STAU2: variants seen among roughly 807,000 people sequenced by gnomAD.
STAU2 encodes double-stranded RNA-binding protein Staufen homolog 2.
In STAU2, 20 loss-of-function variants were observed where a neutral mutation model predicts 65.9. The observed-to-expected ratio is 0.30, with a 90% CI of 0.21 to 0.44. The LOEUF is 0.44. Ranked by LOEUF, STAU2 falls within the 20% of genes least tolerant of loss-of-function variation. The pLI, the probability that STAU2 is intolerant of heterozygous loss-of-function variation, is 1.00. For missense variants in STAU2, 558 were observed against 683.9 expected, an observed-to-expected ratio of 0.82 and a Z score of 2.05; for synonymous variants, 232 against 233.9, an observed-to-expected ratio of 0.99 and a Z score of 0.07.
rs1819261432 is a variant in STAU2 at position 73,690,558 on chromosome 8, T to C, written c.115-1745A>G. 2.0e-5 allele frequency among the ~76,000 whole-genome samples: 3 copies of C among 152,286 alleles called. No individual in the cohort carries two copies. The South Asian group carries it at 6.2e-4, about 32-fold the overall frequency. On this transcript the variant is annotated intron_variant, in intron 4 of 14. Coordinates refer to ENST00000524300, the MANE Select transcript of STAU2 (RefSeq NM_001164380.2). ...TGATTATGAAGAACGTCTTTAGTCT[T>C]ACAAGATAGATATGTAAGTATTTAA...
chr8:73,704,074 G>C lies in STAU2; in HGVS notation c.114+4958C>G, dbSNP rs1478360633. Among the ~76,000 whole-genome samples the C allele has an allele frequency of 2.6e-5, 4 of 152,050 alleles. No individual in the cohort carries two copies. In the East Asian group the frequency reaches 7.7e-4, roughly 29 times the overall value. On this transcript the variant is annotated intron_variant, in intron 4 of 14. Coordinates refer to ENST00000524300, the MANE Select transcript of STAU2 (RefSeq NM_001164380.2). Reference sequence around the variant, plus strand: ...CAAATGTACATAGAAAGAAAATGATGATTTCATCATGCCTGAAAATTATGT... The same window carrying C: ...CAAATGTACATAGAAAGAAAATGATCATTTCATCATGCCTGAAAATTATGT...
At position 73,421,460 on chromosome 8, in the gene STAU2, G is replaced by T; in HGVS notation, c.1625C>A (p.Ala542Asp). 6.5e-7 allele frequency: 1 copy of T among 1,537,254 alleles called. No individual in the cohort carries two copies. Among genetic ancestry groups the T allele is most frequent in the South Asian group, 1.2e-5 (1 of 84,060 alleles). The change falls in exon 15 of 15, where the codon GCC (alanine) becomes GAC (aspartate). Residue 542 changes from alanine (A) to aspartate (D), a missense_variant. Around this residue, in one of 3 missense-constraint regions of STAU2, gnomAD observed 247 missense variants for 270.1 expected, o/e 0.91. Transcript: ENST00000524300. ...NIEKGSLEKQ[A>D]KHLREKADNN... ...GTCCGCTTTCTCTCTCAGATGCTTG[G>T]CTTGTCTGAAAGATTAATACATTAA...
intron 13 of STAU2, among the ~76,000 whole-genome samples, chr8:73,492,911 C>T (rs1049894938): frequency 6.6e-6 from 1 of 151,816 alleles, no homozygotes; most frequent in Non-Finnish European, 1.5e-5. Context: ...CACTGGCATA[C>T]ATGCAGCTGT....
chr8:73,509,355 T>G (rs1029470931), intron 13 of STAU2, among the ~76,000 whole-genome samples: 1 of 152,208 alleles, frequency 6.6e-6, no homozygotes. Context: ...TTCTAATTAT[T>G]GAGATATAGG....
At chr8:73,657,502 G>A (rs572884095) in intron 6 of STAU2, among the ~76,000 whole-genome samples, 2 of 152,148 alleles carry the variant, frequency 1.3e-5, no homozygotes, top group African/African-American at 4.8e-5. Flanking sequence ...ATGGTCGAAG[G>A]AGAATTCATA....
intron 12 of STAU2, among the ~76,000 whole-genome samples, chr8:73,558,409 C>T (rs1807945815): frequency 1.3e-5 from 2 of 152,352 alleles, no homozygotes; most frequent in South Asian, 4.1e-4. Context: ...TGTTTTTGCT[C>T]AGTAGATCTG....
chr8:73,528,152 T>C (rs757156598), intron 13 of STAU2, among the ~76,000 whole-genome samples: 5 of 152,196 alleles, frequency 3.3e-5, no homozygotes, highest in Admixed American at 6.5e-5. Flanking sequence ...CTGATTCTAA[T>C]GTAACTTTGT....
At chr8:73,728,371 T>C (rs1298683359) in intron 3 of STAU2, among the ~76,000 whole-genome samples, 4 of 152,036 alleles carry the variant, frequency 2.6e-5, no homozygotes, top group African/African-American at 9.7e-5. Context: ...ATATGAGTCC[T>C]CTGGCTTTAT....
chr8:73,471,825 A>AAAAAG, intron 13 of STAU2, among the ~76,000 whole-genome samples: 1 of 148,650 alleles, frequency 6.7e-6, no homozygotes, highest in African/African-American at 2.6e-5. Flanking sequence ...ACTAAAAAAA[A>AAAAAG]AAAAAAAAAA....
At chr8:73,466,024 T>C (rs1429144133) in intron 13 of STAU2, among the ~76,000 whole-genome samples, 1 of 152,166 alleles carries the variant, frequency 6.6e-6, no homozygotes, top group Non-Finnish European at 1.5e-5. Flanking sequence ...CCATGTTGGC[T>C]CACCCCTGTT....
chr8:73,563,133 T>A (rs1808355996), intron 12 of STAU2, among the ~76,000 whole-genome samples: 1 of 152,164 alleles, frequency 6.6e-6, no homozygotes, highest in African/African-American at 2.4e-5. Flanking sequence ...CACTTTTATC[T>A]ATGTATCAAA....
At chr8:73,431,016 T>C (rs765071575) in intron 13 of STAU2, among the ~76,000 whole-genome samples, 10 of 152,188 alleles carry the variant, frequency 6.6e-5, no homozygotes, top group Non-Finnish European at 1.0e-4. Context: ...CATGGACAAT[T>C]TGCTGTGTAG....
intron 6 of STAU2, among the ~76,000 whole-genome samples, chr8:73,664,461 A>C (rs1438030179): frequency 6.6e-6 from 1 of 152,192 alleles, no homozygotes; most frequent in Admixed American, 6.5e-5. Flanking sequence ...AGATTAAGAA[A>C]GTTCTCTTCC....
At chr8:73,478,215 T>C (rs190794198) in intron 13 of STAU2, among the ~76,000 whole-genome samples, 337 of 149,142 alleles carry the variant, frequency 2.3e-3, no homozygotes, top group African/African-American at 7.7e-3. Flanking sequence ...GGGTGTCCAA[T>C]CTTTTGGCTT....
chr8:73,436,139 A>C (rs1817661873), intron 13 of STAU2, among the ~76,000 whole-genome samples: 1 of 151,932 alleles, frequency 6.6e-6, no homozygotes, highest in South Asian at 2.1e-4. Flanking sequence ...TGCTGCACTT[A>C]GCATATTCCT....
At chr8:73,468,039 C>A (rs2128903967) in intron 13 of STAU2, among the ~76,000 whole-genome samples, 1 of 152,332 alleles carries the variant, frequency 6.6e-6, no homozygotes, top group East Asian at 1.9e-4. Context: ...GCATCACGTG[C>A]TACCTGACTT....
chr8:73,527,885 A>G, intron 13 of STAU2: 2 of 642,830 alleles, frequency 3.1e-6, no homozygotes, highest in Non-Finnish European at 5.1e-6. Context: ...CAAAGGGTCT[A>G]GATTTCACAG....
intron 13 of STAU2, among the ~76,000 whole-genome samples, chr8:73,431,136 C>T (rs1448753885): frequency 1.3e-5 from 2 of 152,258 alleles, no homozygotes; most frequent in East Asian, 1.9e-4. Flanking sequence ...TCCCACACGC[C>T]GCAGATTAGA....
At chr8:73,494,011 C>T (rs530513733) in intron 13 of STAU2, among the ~76,000 whole-genome samples, 6 of 151,738 alleles carry the variant, frequency 4.0e-5, no homozygotes, top group African/African-American at 1.4e-4. Flanking sequence ...ACAATGATTG[C>T]CTTTGAGGGT....
Sources: allele counts gnomAD v4.1 joint callset (sites outside exome capture counted in the v4.1 genomes callset), GRCh38; gene constraint gnomAD v4.1.1; regional missense constraint gnomAD v4.1.1; transcripts MANE v1.5; gene names NCBI Gene and HGNC (gene_info 2026-07-23, HGNC 2026-07-21).